The following BBOF1 variants were observed in gnomAD, a reference collection of about 807,000 sequenced individuals.
BBOF1 encodes basal body orientation factor 1, also known as basal body-orientation factor 1.
A neutral mutation model predicts 68.0 loss-of-function variants in BBOF1; 62 were observed. That is an observed-to-expected ratio of 0.91 (90% CI 0.74 to 1.13). The LOEUF (loss-of-function observed/expected upper bound fraction) is 1.13, where lower values mean the gene tolerates loss of function less well. Ranked by LOEUF, BBOF1 falls within the 50% of genes most tolerant of loss-of-function variation. The pLI, the probability that BBOF1 is intolerant of heterozygous loss-of-function variation, is 0.00. For synonymous variants in BBOF1, 208 were observed against 198.8 expected, an observed-to-expected ratio of 1.05 and a Z score of -0.39; for missense variants, 534 against 600.1, an observed-to-expected ratio of 0.89 and a Z score of 1.15.
intron 1 of BBOF1, among the ~76,000 whole-genome samples, 187 bp downstream of exon 1, chr14:74,019,721 A>T (rs1405229736): frequency 6.6e-6 from 1 of 152,252 alleles, no homozygotes; most frequent in Non-Finnish European, 1.5e-5. Context: ...AGATTATCTT[A>T]AACGTGTAGA....
Position 74,040,651 on chromosome 14 carries a change from G to A in BBOF1, c.576+6G>A. The A allele has an allele frequency of 6.6e-7, 1 of 1,519,838 alleles. No individual in the cohort carries two copies. Among genetic ancestry groups the A allele is most frequent in the Non-Finnish European group, 9.0e-7 (1 of 1,117,030 alleles). 94.1% of individuals were successfully genotyped at this position (1,519,838 alleles called of 1,614,324 possible). ...GCAGATTTTTTGAAGAAAAGGTACA[G>A]ATTATTAGGGTTAATTTAAAATGTT... On this transcript the variant is annotated splice_donor_region_variant and intron_variant, in intron 5 of 11. Coordinates refer to ENST00000394009, the MANE Select transcript of BBOF1 (RefSeq NM_025057.3).
chr14:74,067,474 G>A (rs764477811), downstream of BBOF1: 3 of 1,614,222 alleles, frequency 1.9e-6, no homozygotes, highest in East Asian at 2.2e-5. Flanking sequence ...GAGCCATGCA[G>A]CGCTGACCAG....
Position 74,034,165 on chromosome 14 carries a change from A to G in BBOF1, c.489A>G (p.Leu163=), listed in dbSNP as rs760388678. 1.3e-6 allele frequency: 2 copies of G among 1,555,554 alleles called. No homozygotes were observed. Among genetic ancestry groups the G allele is most frequent in the Admixed American group, 2.0e-5 (1 of 49,712 alleles). Residue 163 remains leucine (L), a synonymous_variant, in exon 4 of 12, where the codon TTA becomes TTG. Coordinates refer to ENST00000394009, the MANE Select transcript of BBOF1 (RefSeq NM_025057.3). ...GAAAAATCCAAGTGGAGAGAGAGTTAGATGATGTAAGTTTCATTCCTTTTT... is the reference window on the plus strand; with the variant it reads ...GAAAAATCCAAGTGGAGAGAGAGTTGGATGATGTAAGTTTCATTCCTTTTT... ...QKRKIQVERE[L]DDLKENLRNT...
chr14:74,079,759 C>T (rs932283754), intron 10 of BBOF1, among the ~76,000 whole-genome samples: 3 of 152,062 alleles, frequency 2.0e-5, no homozygotes, highest in African/African-American at 4.8e-5. Context: ...AGTGGAGATG[C>T]GGTTTTGTCA....
chr14:74,048,048 A>G lies in BBOF1; in HGVS notation c.766A>G (p.Ser256Gly), dbSNP rs757718653. Reference sequence around the variant, plus strand: ...AAAAAACTCCCAGAAGTTGCAAGAGAGTCATACTTTACTTTTACATCAAAA... The same window carrying G: ...AAAAAACTCCCAGAAGTTGCAAGAGGGTCATACTTTACTTTTACATCAAAA... Reference protein sequence around the residue: ...LQKNSQKLQESHTLLLHQKEI... With the variant: ...LQKNSQKLQEGHTLLLHQKEI... Residue 256 changes from serine (S) to glycine (G), a missense_variant, in exon 7 of 12, where the codon AGT (serine) becomes GGT (glycine). Ser to Gly is a moderately conservative substitution (Grantham distance 56). Transcript: ENST00000394009. 5.6e-6 allele frequency: 9 copies of G among 1,612,450 alleles called. No individual in the cohort carries two copies. Among genetic ancestry groups the G allele is most frequent in the Non-Finnish European group, 7.6e-6 (9 of 1,179,500 alleles).
chr14:74,024,324 T>C (rs963219471), intron 2 of BBOF1, among the ~76,000 whole-genome samples: 7 of 151,232 alleles, frequency 4.6e-5, no homozygotes. Context: ...GGCGTGGCAG[T>C]GTGCACCTGT....
chr14:74,053,499 G>A (rs1330742493), intron 8 of BBOF1, among the ~76,000 whole-genome samples: 1 of 150,626 alleles, frequency 6.6e-6, no homozygotes, highest in African/African-American at 2.4e-5. Context: ...CCTTGACTGG[G>A]CCCAAGCGAT....
At chr14:74,036,628 G>A (rs1362187262) in intron 4 of BBOF1, among the ~76,000 whole-genome samples, 1 of 145,940 alleles carries the variant, frequency 6.9e-6, no homozygotes, top group Non-Finnish European at 1.5e-5. Context: ...AGGTAACAGT[G>A]AACCAAGATC....
At chr14:74,069,337 C>T (rs529250849), downstream of BBOF1, 47 of 319,546 alleles carry the variant, frequency 1.5e-4, no homozygotes, top group Admixed American at 9.4e-4. Flanking sequence ...CTCCTGACCT[C>T]GTGATCCACT....
At chr14:74,019,610 G>A (rs1339590439) in intron 1 of BBOF1, 76 bp downstream of exon 1, 4 of 1,535,084 alleles carry the variant, frequency 2.6e-6, no homozygotes, top group Admixed American at 2.0e-5. Context: ...GCAACCTGGC[G>A]CCCCCCGCGC....
At chr14:74,073,817 T>C (rs927263365) in intron 9 of BBOF1, among the ~76,000 whole-genome samples, 1 of 150,958 alleles carries the variant, frequency 6.6e-6, no homozygotes, top group Non-Finnish European at 1.5e-5. Flanking sequence ...ATTCGGGAGG[T>C]TGAGGCAGGA....
At chr14:74,067,513 G>C, downstream of BBOF1, 1 of 1,614,164 alleles carries the variant, frequency 6.2e-7, no homozygotes, top group Non-Finnish European at 8.5e-7. Flanking sequence ...CAACCAGCTG[G>C]TTCAGGGTAT....
intron 2 of BBOF1, among the ~76,000 whole-genome samples, chr14:74,025,209 T>G (rs2059397247): frequency 6.6e-6 from 1 of 152,238 alleles, no homozygotes; most frequent in African/African-American, 2.4e-5. Context: ...TTTTGTGGCT[T>G]GTAATAGCTC....
Position 74,029,159 on chromosome 14 carries a change from G to A in BBOF1, c.286-25G>A, listed in dbSNP as rs889837743. On this transcript the variant is annotated intron_variant, in intron 2 of 11. Transcript: ENST00000394009. ...CATAGAGCAGTTTCTTTATCTTCAT[G>A]ACCCTGTATTTTGATTTTCAACAGA... The A allele has an allele frequency of 3.4e-6, 5 of 1,463,812 alleles. No individual in the cohort carries two copies. The African/African-American group carries it at 4.2e-5, about 12-fold the overall frequency. The allele number at this position is 1,463,812 out of a possible 1,614,324, so 90.7% of individuals were successfully genotyped here. A position where few individuals can be genotyped will look rare whatever the true frequency, so the allele number is the denominator to read the frequency against.
intron 2 of BBOF1, among the ~76,000 whole-genome samples, chr14:74,026,674 C>G (rs887368039): frequency 6.6e-6 from 1 of 151,912 alleles, no homozygotes; most frequent in African/African-American, 2.4e-5. Flanking sequence ...CCTGTAATCC[C>G]AGAACTTTGG....
intron 9 of BBOF1, chr14:74,074,895 A>C: frequency 6.5e-7 from 1 of 1,532,252 alleles, no homozygotes; most frequent in Non-Finnish European, 9.0e-7. Flanking sequence ...GAAGATAGAG[A>C]TACCCAAAAC....
intron 2 of BBOF1, among the ~76,000 whole-genome samples, chr14:74,024,307 A>C (rs769732723): frequency 6.6e-6 from 1 of 151,522 alleles, no homozygotes; most frequent in South Asian, 2.1e-4. Context: ...AAAGTAAAAA[A>C]TAGCCAGGCG....
At chr14:74,026,679 C>T (rs2059436078) in intron 2 of BBOF1, among the ~76,000 whole-genome samples, 1 of 151,944 alleles carries the variant, frequency 6.6e-6, no homozygotes, top group Admixed American at 6.6e-5. Flanking sequence ...AATCCCAGAA[C>T]TTTGGGAGGC....
chr14:74,050,257 G>A, intron 8 of BBOF1, 62 bp downstream of exon 8: 1 of 1,496,038 alleles, frequency 6.7e-7, no homozygotes, highest in Non-Finnish European at 8.9e-7. Flanking sequence ...ACAGAAAGAG[G>A]AAGTCTGAAA....
Sources: allele counts gnomAD v4.1 joint callset (sites outside exome capture counted in the v4.1 genomes callset), GRCh38; gene constraint gnomAD v4.1.1; transcripts MANE v1.5; gene names NCBI Gene and HGNC (gene_info 2026-07-23, HGNC 2026-07-21).